The following FBXO42 variants were observed in gnomAD, a reference collection of about 807,000 sequenced individuals.
FBXO42 encodes F-box protein 42, also known as F-box only protein 42.
A neutral mutation model predicts 71.7 loss-of-function variants in FBXO42; 12 were observed. That is an observed-to-expected ratio of 0.17 (90% confidence interval 0.11 to 0.27). The LOEUF is 0.27. FBXO42 is among the 10% of genes least tolerant of loss of function. The pLI, the probability that FBXO42 is intolerant of heterozygous loss-of-function variation, is 1.00. For synonymous variants in FBXO42, 325 were observed against 327.5 expected (o/e 0.99, Z 0.08); for missense variants, 707 against 911.9 (o/e 0.78, Z 2.89).
intron 1 of FBXO42, among the ~76,000 whole-genome samples, chr1:16,350,500 G>A (rs1270406622): frequency 6.9e-6 from 1 of 144,048 alleles, no homozygotes; most frequent in Non-Finnish European, 1.5e-5. Flanking sequence ...GGGTGGGGCA[G>A]GGTATCGCTT....
chr1:16,253,545 T>C (rs2081611998), intron 7 of FBXO42, 90 bp downstream of exon 7: 8 of 1,124,548 alleles, frequency 7.1e-6, no homozygotes, highest in Non-Finnish European at 1.1e-5. Flanking sequence ...TAGTGCATAT[T>C]GGCATCTTAC....
intron 1 of FBXO42, among the ~76,000 whole-genome samples, chr1:16,334,950 C>A (rs1046697949): frequency 2.7e-5 from 4 of 150,472 alleles, no homozygotes; most frequent in African/African-American, 9.8e-5. Flanking sequence ...ATAATGGCCA[C>A]GCGCAGTGGT....
chr1:16,348,118 C>T (rs1187685120), intron 1 of FBXO42, among the ~76,000 whole-genome samples: 1 of 151,966 alleles, frequency 6.6e-6, no homozygotes, highest in Non-Finnish European at 1.5e-5. Flanking sequence ...GTACATGTAG[C>T]AAGCTGTCAC....
At chr1:16,321,098 T>C (rs988928818) in intron 1 of FBXO42, among the ~76,000 whole-genome samples, 3 of 152,190 alleles carry the variant, frequency 2.0e-5, no homozygotes, top group African/African-American at 7.2e-5. Flanking sequence ...TAAAATACAA[T>C]AGCAAGCCAA....
intron 1 of FBXO42, among the ~76,000 whole-genome samples, chr1:16,344,024 T>A (rs2082632831): frequency 6.7e-6 from 1 of 149,726 alleles, no homozygotes; most frequent in African/African-American, 2.5e-5. Context: ...TGAAACAGAG[T>A]TTCACTCATG....
intron 1 of FBXO42, among the ~76,000 whole-genome samples, chr1:16,341,621 A>T (rs1431515298): frequency 1.4e-4 from 12 of 84,824 alleles, no homozygotes; most frequent in East Asian, 8.6e-4. Flanking sequence ...AAAAAAAAAA[A>T]AAAAAAAAAA....
intron 4 of FBXO42, among the ~76,000 whole-genome samples, chr1:16,286,161 G>A (rs1271202500): frequency 6.6e-6 from 1 of 152,046 alleles, no homozygotes; most frequent in Non-Finnish European, 1.5e-5. Flanking sequence ...GAGCCACCAT[G>A]CCTGGCCTTT....
intron 4 of FBXO42, among the ~76,000 whole-genome samples, chr1:16,285,916 G>T (rs1283349689): frequency 1.3e-5 from 2 of 152,074 alleles, no homozygotes; most frequent in Non-Finnish European, 2.9e-5. Context: ...CACCCAGACT[G>T]CAGTGCAGTA....
In FBXO42 at chr1:16,247,846, G is replaced by A. The variant is rs1176628214; in HGVS notation, c.*2824C>T. On this transcript the variant is annotated 3_prime_UTR_variant, in exon 10 of 10. Coordinates refer to ENST00000375592, the MANE Select transcript of FBXO42 (RefSeq NM_018994.3). ...TATAACCTGTGAAATAAGAGAACAG[G>A]AAGCTCTGTCCAAGAGGGTAGGGAG... The A allele has an allele frequency of 6.6e-6, 1 of 152,208 alleles. No individual in the cohort carries two copies. Among genetic ancestry groups the A allele is most frequent in the East Asian group, 1.9e-4 (1 of 5,198 alleles). 9.4% of individuals were successfully genotyped at this position (152,208 alleles called of 1,614,324 possible).
intron 4 of FBXO42, among the ~76,000 whole-genome samples, chr1:16,260,798 C>G (rs1472488712): frequency 6.6e-6 from 1 of 152,098 alleles, no homozygotes; most frequent in Non-Finnish European, 1.5e-5. Context: ...CTCCTGGGTG[C>G]AAGGGATCTT....
intron 4 of FBXO42, among the ~76,000 whole-genome samples, chr1:16,290,454 G>C (rs964297205): frequency 2.0e-5 from 3 of 152,158 alleles, no homozygotes; most frequent in Non-Finnish European, 2.9e-5. Flanking sequence ...CACTCTGGGA[G>C]GCTGAGGTGG....
At chr1:16,330,092 T>C (rs544372289) in intron 1 of FBXO42, among the ~76,000 whole-genome samples, 105 of 152,214 alleles carry the variant, frequency 6.9e-4, no homozygotes, top group Non-Finnish European at 1.3e-3. Flanking sequence ...ATTATATTAT[T>C]ATCACACAAT....
intron 3 of FBXO42, among the ~76,000 whole-genome samples, chr1:16,301,043 G>A (rs191811767): frequency 1.4e-4 from 21 of 151,808 alleles, no homozygotes; most frequent in African/African-American, 4.8e-4. Flanking sequence ...GATTACAGGC[G>A]TGCGCCCACC....
chr1:16,307,866 T>C (rs865887796), intron 2 of FBXO42, among the ~76,000 whole-genome samples: 2 of 152,144 alleles, frequency 1.3e-5, no homozygotes, highest in Admixed American at 6.6e-5. Flanking sequence ...TCTTCCCAAC[T>C]TGATCAACAG....
intron 2 of FBXO42, among the ~76,000 whole-genome samples, chr1:16,314,756 C>T (rs960952869): frequency 4.6e-5 from 7 of 151,904 alleles, no homozygotes; most frequent in African/African-American, 1.2e-4. Context: ...TGGTGGCAGG[C>T]GCCTGTAGTC....
Position 16,251,043 on chromosome 1 carries a change from C to G in FBXO42, c.1781G>C (p.Ser594Thr). 6.2e-7 allele frequency: 1 copy of G among 1,614,192 alleles called. No homozygotes were observed. Residue 594 changes from serine to threonine, a missense_variant, in exon 10 of 10, where the codon AGC (serine) becomes ACC (threonine). Physicochemically the swap from Ser to Thr is moderately conservative, Grantham distance 58. Transcript: ENST00000375592. This position sits in a 1 kb window ranked among gnomAD's most constrained non-coding sequence, Gnocchi z 4.5. ...SPGSPGSQSL[S>T]SGETVPIPRP... Reference sequence around the variant, plus strand: ...AGGGATGGGCACTGTTTCTCCACTGCTCAAACTCTGGCTCCCAGGAGAGCC... The same window carrying G: ...AGGGATGGGCACTGTTTCTCCACTGGTCAAACTCTGGCTCCCAGGAGAGCC...
intron 4 of FBXO42, among the ~76,000 whole-genome samples, chr1:16,288,776 G>A (rs2082047899): frequency 6.6e-6 from 1 of 151,586 alleles, no homozygotes; most frequent in South Asian, 2.1e-4. Context: ...TGGGCAGTAT[G>A]GTGAAACTCC....
intron 1 of FBXO42, among the ~76,000 whole-genome samples, chr1:16,346,880 A>T (rs2082658571): frequency 6.7e-6 from 1 of 149,772 alleles, no homozygotes. Context: ...TCAGCCTCCT[A>T]GGTAACTGGG....
intron 4 of FBXO42, among the ~76,000 whole-genome samples, chr1:16,262,719 A>G (rs1190584856): frequency 6.6e-6 from 1 of 152,090 alleles, no homozygotes. Flanking sequence ...TCTTTTTGAG[A>G]CAGGGTCTCA....
Sources: gnomAD v4.1 joint callset for allele counts (sites outside exome capture counted in the v4.1 genomes callset) on GRCh38, gnomAD v4.1.1 for gene constraint, Gnocchi (gnomAD v3.1) non-coding constraint, MANE v1.5 for transcripts, NCBI Gene and HGNC (gene_info 2026-07-23, HGNC 2026-07-21) for gene names.